PALD1: variants seen among roughly 807,000 people sequenced by gnomAD.
The protein encoded by PALD1 is phosphatase domain containing paladin 1, also known as paladin.
PALD1 carries 57 observed loss-of-function variants against 96.0 expected under a neutral mutation model. That is an observed-to-expected ratio of 0.59 (90% CI 0.48 to 0.74). PALD1 has a LOEUF of 0.74. Among genes scored for constraint, PALD1 ranks in the 30% least tolerant of loss-of-function variants. The probability of loss-of-function intolerance (pLI) is 0.00; values close to 1 mark genes in which losing one functional copy is unlikely to be tolerated. For synonymous variants in PALD1, 464 were observed against 473.6 expected, an observed-to-expected ratio of 0.98 and a Z score of 0.26; for missense variants, 1,063 against 1,143.7, an observed-to-expected ratio of 0.93 and a Z score of 1.02.
Position 70,525,911 on chromosome 10 carries a change from C to CTG in PALD1, c.-29-11_-29-10insGT. 1.2e-6 allele frequency: 2 copies of CTG among 1,610,258 alleles called. No homozygotes were observed. The highest frequency in any genetic ancestry group is 1.7e-6 in the Non-Finnish European group (2 of 1,177,676). ...CATCCCCTCCTTCACTGCACACCCT[C>CTG]TTATCCTACAGGTCTGGGGTCCTGA... is the stretch of plus-strand genomic sequence containing the variant. On this transcript the variant is annotated splice_polypyrimidine_tract_variant and intron_variant, in intron 1 of 19. Coordinates refer to ENST00000263563, the MANE Select transcript of PALD1 (RefSeq NM_014431.3).
At chr10:70,536,149 C>G (rs969933555) in intron 10 of PALD1, among the ~76,000 whole-genome samples, 1 of 152,036 alleles carries the variant, frequency 6.6e-6, no homozygotes, top group Non-Finnish European at 1.5e-5. Context: ...ACGCGTAGTA[C>G]CAACTACCAG....
intron 1 of PALD1, among the ~76,000 whole-genome samples, chr10:70,497,214 A>G (rs990668490): frequency 4.6e-5 from 7 of 152,270 alleles, no homozygotes; most frequent in Admixed American, 6.5e-5. Flanking sequence ...CGATCAGCAC[A>G]TAGGGGCTGT....
At chr10:70,482,683 C>T (rs1252920235) in intron 1 of PALD1, among the ~76,000 whole-genome samples, 2 of 152,124 alleles carry the variant, frequency 1.3e-5, no homozygotes, top group Admixed American at 1.3e-4. Flanking sequence ...AAAGAAACTA[C>T]CAGGGTCTGA....
At chr10:70,506,915 A>C (rs1479340035) in intron 1 of PALD1, among the ~76,000 whole-genome samples, 1 of 152,060 alleles carries the variant, frequency 6.6e-6, no homozygotes, top group Non-Finnish European at 1.5e-5. Context: ...GTCAAAGGTC[A>C]GCGCCTTCCA....
At chr10:70,529,389 G>A in intron 3 of PALD1, 58 bp downstream of exon 3, 1 of 816,190 alleles carries the variant, frequency 1.2e-6, no homozygotes, top group Non-Finnish European at 2.1e-6. Context: ...TATCTCTCAT[G>A]AATTCCCTCC....
intron 19 of PALD1, among the ~76,000 whole-genome samples, chr10:70,565,695 G>A (rs1007580712): frequency 7.9e-5 from 12 of 152,164 alleles, no homozygotes; most frequent in African/African-American, 2.4e-4. Context: ...GTGTTGAGTC[G>A]GGAGACCTGA....
intron 1 of PALD1, among the ~76,000 whole-genome samples, chr10:70,503,300 A>G (rs956737324): frequency 2.0e-5 from 3 of 152,168 alleles, no homozygotes; most frequent in African/African-American, 7.2e-5. Flanking sequence ...TTCAAAATGT[A>G]CTTGTTTTCC....
At chr10:70,536,782 C>G (rs376934427) in intron 10 of PALD1, among the ~76,000 whole-genome samples, 1 of 152,214 alleles carries the variant, frequency 6.6e-6, no homozygotes. Flanking sequence ...TAAATTTCAC[C>G]AAAGGGCGTG....
intron 1 of PALD1, among the ~76,000 whole-genome samples, chr10:70,511,713 C>T (rs1207538113): frequency 6.6e-6 from 1 of 152,162 alleles, no homozygotes; most frequent in African/African-American, 2.4e-5. Context: ...AGATAAAACT[C>T]ACTCCCCAAA....
intron 2 of PALD1, among the ~76,000 whole-genome samples, chr10:70,526,408 AC>A (rs1204149996): frequency 2.0e-5 from 3 of 150,804 alleles, no homozygotes; most frequent in African/African-American, 4.9e-5. Context: ...TGGCTGGGGG[AC>A]CCCCCTTTTG....
intron 1 of PALD1, among the ~76,000 whole-genome samples, chr10:70,514,157 T>A (rs1449440131): frequency 6.6e-6 from 1 of 152,206 alleles, no homozygotes; most frequent in Non-Finnish European, 1.5e-5. Context: ...TTTGCCCACT[T>A]CCTGCTGCAT....
intron 18 of PALD1, among the ~76,000 whole-genome samples, chr10:70,551,987 C>T (rs1473674218): frequency 1.3e-5 from 2 of 152,222 alleles, no homozygotes; most frequent in Non-Finnish European, 2.9e-5. Flanking sequence ...TTGCATGCAG[C>T]TCTCTGGAAG....
intron 18 of PALD1, among the ~76,000 whole-genome samples, chr10:70,557,930 C>CGTTTTTTTTTT (rs1847643623): frequency 1.1e-5 from 1 of 92,882 alleles, no homozygotes; most frequent in African/African-American, 4.0e-5. Context: ...TTGGCTCTTC[C>CGTTTTTTTTTT]TTTTTTTTTT....
upstream of PALD1, among the ~76,000 whole-genome samples, chr10:70,474,115 C>T (rs1160813658): frequency 6.6e-6 from 1 of 152,154 alleles, no homozygotes; most frequent in African/African-American, 2.4e-5. Flanking sequence ...TTCAGTCAGG[C>T]CCTTAAGTGG....
intron 1 of PALD1, among the ~76,000 whole-genome samples, chr10:70,524,125 A>C (rs773775683): frequency 3.3e-5 from 5 of 152,194 alleles, no homozygotes; most frequent in African/African-American, 7.2e-5. Context: ...GATGTGGAGC[A>C]GCTTGTGCCT....
In PALD1 at chr10:70,531,404, C is replaced by G. The variant is rs749480097; in HGVS notation, c.583C>G (p.Leu195Val). 5 of 1,613,962 alleles carry G rather than the reference C, an allele frequency of 3.1e-6. No individual in the cohort carries two copies. The highest frequency in any genetic ancestry group is 4.2e-6 in the Non-Finnish European group (5 of 1,179,968). ...GAACCTTCATGAGAACCTCCAGGGCCTTGGACCCGGGGTCCGGGTGGAGAG... is the reference window on the plus strand; with the variant it reads ...GAACCTTCATGAGAACCTCCAGGGCGTTGGACCCGGGGTCCGGGTGGAGAG... ...KQNLHENLQG[L>V]GPGVRVESLE... Residue 195 changes from leucine to valine, a missense_variant, in exon 5 of 20, where the codon CTT becomes GTT. Coordinates refer to ENST00000263563, the MANE Select transcript of PALD1 (RefSeq NM_014431.3).
chr10:70,501,732 A>C (rs1335760829), intron 1 of PALD1, among the ~76,000 whole-genome samples: 1 of 152,022 alleles, frequency 6.6e-6, no homozygotes, highest in Non-Finnish European at 1.5e-5. Context: ...GATGAGAAAA[A>C]TCATCTGAGA....
chr10:70,504,804 T>TA lies in PALD1; in HGVS notation c.-29-21118dup, dbSNP rs144018968. 3.3e-3 allele frequency among the ~76,000 whole-genome samples: 507 copies of TA among 152,320 alleles called. 1 individual carries two copies. The highest frequency in any genetic ancestry group is 0.012 in the African/African-American group (495 of 41,566). ...TGAAGAAAATCGGCTTCACCACAGA[T>TA]ATGTAATGTGAAAAGGGAGGAATAT... is the stretch of plus-strand genomic sequence containing the variant. On this transcript the variant is annotated intron_variant, in intron 1 of 19. Coordinates refer to ENST00000263563, the MANE Select transcript of PALD1 (RefSeq NM_014431.3).
chr10:70,562,754 G>A (rs913331298), intron 18 of PALD1, among the ~76,000 whole-genome samples: 1 of 151,898 alleles, frequency 6.6e-6, no homozygotes, highest in Non-Finnish European at 1.5e-5. Context: ...CTTCCATAGC[G>A]TGCAGGGGAG....
Sources: gnomAD v4.1 joint callset for allele counts (sites outside exome capture counted in the v4.1 genomes callset) on GRCh38, gnomAD v4.1.1 for gene constraint, MANE v1.5 for transcripts, NCBI Gene and HGNC (gene_info 2026-07-23, HGNC 2026-07-21) for gene names.